Variants in DAB1 observed in about 807,000 individuals in gnomAD.
DAB1 encodes the protein DAB adaptor protein 1.
In DAB1, 15 loss-of-function variants were observed where a neutral mutation model predicts 64.6. That is an observed-to-expected ratio of 0.23 (90% CI 0.16 to 0.36). The LOEUF is 0.36. Among genes scored for constraint, DAB1 ranks in the 10% least tolerant of loss-of-function variants. DAB1 has a pLI of 1.00. For synonymous variants in DAB1, 235 were observed against 251.9 expected (o/e 0.93, Z 0.64); for missense variants, 596 against 706.7 (o/e 0.84, Z 1.78).
At chr1:57,392,898 G>A (rs751738519) in intron 1 of DAB1, among the ~76,000 whole-genome samples, 8 of 152,204 alleles carry the variant, frequency 5.3e-5, no homozygotes, top group Non-Finnish European at 8.8e-5. Flanking sequence ...AAGCCACAGA[G>A]ATTTGATTTT....
At chr1:57,998,332 T>C (rs961710215) in intron 5 of DAB1, among the ~76,000 whole-genome samples, 1 of 152,198 alleles carries the variant, frequency 6.6e-6, no homozygotes, top group Non-Finnish European at 1.5e-5. Flanking sequence ...TTTGTAAATT[T>C]CAAATGATGT....
At chr1:57,175,030 C>T (rs1248472197) in intron 2 of DAB1, among the ~76,000 whole-genome samples, 1 of 152,148 alleles carries the variant, frequency 6.6e-6, no homozygotes, top group Admixed American at 6.5e-5. Flanking sequence ...CAACAGAGCA[C>T]ACGGACTCAG....
chr1:57,343,928 G>A (rs980821750), intron 1 of DAB1, among the ~76,000 whole-genome samples: 3 of 152,270 alleles, frequency 2.0e-5, no homozygotes, highest in Non-Finnish European at 2.9e-5. Context: ...GGCGCCCAGA[G>A]CGAGCAAGGG....
chr1:57,044,004 T>C (rs527300123), intron 9 of DAB1, among the ~76,000 whole-genome samples: 50 of 152,330 alleles, frequency 3.3e-4, no homozygotes, highest in Non-Finnish European at 6.5e-4. Context: ...CCCTTCATGG[T>C]GAGTCACTGG....
At position 57,661,495 on chromosome 1, in the gene DAB1, C is replaced by T. The variant is rs541605755; in HGVS notation, n.552-11830G>A. Among the ~76,000 whole-genome samples the T allele has an allele frequency of 3.9e-5, 6 of 152,272 alleles. No individual in the cohort carries two copies. The South Asian group carries it at 1.0e-3, about 26-fold the overall frequency. Reference sequence around the variant, plus strand: ...CTGCAACTTTACAGGATAATGATTTCACCCAAGGGGTCTTTGAATCTCTCT... The same window carrying T: ...CTGCAACTTTACAGGATAATGATTTTACCCAAGGGGTCTTTGAATCTCTCT... On this transcript the variant is annotated intron_variant and non_coding_transcript_variant, in intron 6 of 20. Transcript: ENST00000485760.
At chr1:58,052,952 T>C (rs2100532192) in intron 5 of DAB1, among the ~76,000 whole-genome samples, 1 of 152,314 alleles carries the variant, frequency 6.6e-6, no homozygotes, top group Non-Finnish European at 1.5e-5. Flanking sequence ...CCACTCATTA[T>C]GGAAGGCAAA....
intron 4 of DAB1, among the ~76,000 whole-genome samples, chr1:58,293,691 G>A (rs1423170735): frequency 1.3e-5 from 2 of 152,136 alleles, no homozygotes; most frequent in African/African-American, 2.4e-5. Flanking sequence ...GTGCCCAAGA[G>A]GGTTGTTTGG....
At chr1:58,379,159 A>T (rs1644364963) in intron 3 of DAB1, among the ~76,000 whole-genome samples, 1 of 151,908 alleles carries the variant, frequency 6.6e-6, no homozygotes, top group African/African-American at 2.4e-5. Context: ...TCACGCTGGG[A>T]GCTGTAGACC....
chr1:57,226,031 C>T (rs1343715314), intron 2 of DAB1, among the ~76,000 whole-genome samples: 1 of 152,124 alleles, frequency 6.6e-6, no homozygotes, highest in African/African-American at 2.4e-5. Flanking sequence ...TTCTCCTAGA[C>T]TTCTTCTCCC....
At chr1:58,208,261 A>G (rs1429354817) in intron 4 of DAB1, among the ~76,000 whole-genome samples, 1 of 152,196 alleles carries the variant, frequency 6.6e-6, no homozygotes, top group African/African-American at 2.4e-5. Flanking sequence ...GCTACATTTT[A>G]GAGTTAAAAC....
chr1:58,118,503 T>TATATATATATATAAAC (rs1341446315), intron 5 of DAB1, among the ~76,000 whole-genome samples: 1 of 53,126 alleles, frequency 1.9e-5, no homozygotes, highest in Non-Finnish European at 2.9e-5. Flanking sequence ...TATATATATA[T>TATATATATATATAAAC]ACACACACAC....
At chr1:57,971,345 C>T (rs1223153080) in intron 5 of DAB1, among the ~76,000 whole-genome samples, 2 of 152,192 alleles carry the variant, frequency 1.3e-5, no homozygotes, top group African/African-American at 4.8e-5. Flanking sequence ...CTTGCCTTTG[C>T]TGAAGGTCAG....
chr1:57,035,967 C>T (rs556020026), intron 9 of DAB1, among the ~76,000 whole-genome samples: 44 of 150,778 alleles, frequency 2.9e-4, no homozygotes, highest in Admixed American at 7.9e-4. Context: ...CTCAGCCTCC[C>T]GAGTAGCTGG....
chr1:57,147,693 C>G (rs1260224727), intron 2 of DAB1, among the ~76,000 whole-genome samples: 1 of 152,196 alleles, frequency 6.6e-6, no homozygotes, highest in Non-Finnish European at 1.5e-5. Context: ...ATAATAACAT[C>G]TCTTTCACCA....
At chr1:58,330,827 T>C (rs1391648011) in intron 4 of DAB1, among the ~76,000 whole-genome samples, 1 of 152,178 alleles carries the variant, frequency 6.6e-6, no homozygotes, top group Non-Finnish European at 1.5e-5. Flanking sequence ...TCCAAAATAT[T>C]GTATTATTGA....
intron 7 of DAB1, among the ~76,000 whole-genome samples, chr1:57,574,869 C>A (rs1166359373): frequency 6.6e-6 from 1 of 152,218 alleles, no homozygotes; most frequent in Admixed American, 6.5e-5. Context: ...CACAATCACA[C>A]AGCCCTAATC....
chr1:57,459,125 T>C (rs1686697292), intron 7 of DAB1, among the ~76,000 whole-genome samples: 1 of 152,168 alleles, frequency 6.6e-6, no homozygotes, highest in African/African-American at 2.4e-5. Context: ...TTTTACATTG[T>C]GTTCTCTTTC....
chr1:57,493,998 T>C (rs1430887875), intron 7 of DAB1, among the ~76,000 whole-genome samples: 1 of 152,220 alleles, frequency 6.6e-6, no homozygotes, highest in Non-Finnish European at 1.5e-5. Flanking sequence ...AGCTTAAATA[T>C]GGTAAAACTG....
intron 3 of DAB1, among the ~76,000 whole-genome samples, chr1:58,432,355 C>G (rs1234792204): frequency 6.6e-6 from 1 of 152,198 alleles, no homozygotes; most frequent in African/African-American, 2.4e-5. Context: ...CTCCTAGACT[C>G]TAAGTTCCTC....
Sources: allele counts gnomAD v4.1 joint callset (sites outside exome capture counted in the v4.1 genomes callset), GRCh38; gene constraint gnomAD v4.1.1; transcripts MANE v1.5; gene names NCBI Gene and HGNC (gene_info 2026-07-23, HGNC 2026-07-21).